SIL1: variants seen among roughly 807,000 people sequenced by gnomAD.
The protein encoded by SIL1 is nucleotide exchange factor SIL1.
In SIL1, 40 loss-of-function variants were observed where a neutral mutation model predicts 49.1. That is an observed-to-expected ratio of 0.81 (90% CI 0.63 to 1.06). The LOEUF is 1.06. Among genes scored for constraint, SIL1 ranks in the 50% least tolerant of loss-of-function variants. SIL1 has a pLI of 0.00. For missense variants in SIL1, 500 were observed against 572.6 expected (o/e 0.87, Z 1.29); for synonymous variants, 253 against 250.8 (o/e 1.01, Z -0.08).
At chr5:139,087,174 C>G (rs1770241939) in intron 3 of SIL1, among the ~76,000 whole-genome samples, 1 of 151,976 alleles carries the variant, frequency 6.6e-6, no homozygotes, top group Admixed American at 6.6e-5. Flanking sequence ...CTCCACTCTT[C>G]AGGCCAACAA....
chr5:139,055,884 G>C (rs1172072108), intron 3 of SIL1, among the ~76,000 whole-genome samples: 1 of 151,982 alleles, frequency 6.6e-6, no homozygotes, highest in African/African-American at 2.4e-5. Flanking sequence ...TGTTGGCCGG[G>C]CCAGTCTCCA....
At chr5:139,061,265 C>G (rs1372923187) in intron 3 of SIL1, among the ~76,000 whole-genome samples, 3 of 152,180 alleles carry the variant, frequency 2.0e-5, no homozygotes, top group Non-Finnish European at 4.4e-5. Context: ...AGCCTGGCTG[C>G]CCTGCTTCAA....
chr5:138,947,590 C>A lies in SIL1; in HGVS notation c.1030-117G>T. On this transcript the variant is annotated intron_variant, in intron 9 of 9. Coordinates refer to ENST00000394817, the MANE Select transcript of SIL1 (RefSeq NM_022464.5). The surrounding 1 kb of genome is among the most constrained non-coding windows in gnomAD (Gnocchi z 4.1). Reference sequence around the variant, plus strand: ...TTCAGACAGGAAGGCACGAGGCTGACCCCTGAGGGCCCACCTCTTCCTCTA... The same window carrying A: ...TTCAGACAGGAAGGCACGAGGCTGAACCCTGAGGGCCCACCTCTTCCTCTA... 1.2e-6 allele frequency: 1 copy of A among 802,180 alleles called. No homozygotes were observed. 49.7% of individuals were successfully genotyped at this position (802,180 alleles called of 1,614,324 possible).
intron 7 of SIL1, among the ~76,000 whole-genome samples, chr5:138,973,553 C>G (rs1341416848): frequency 6.6e-6 from 1 of 152,110 alleles, no homozygotes; most frequent in Non-Finnish European, 1.5e-5. Flanking sequence ...CCCTGAGCTC[C>G]CAGGCTCAAC....
At chr5:139,129,316 AC>A (rs999130214) in intron 1 of SIL1, among the ~76,000 whole-genome samples, 18 of 152,240 alleles carry the variant, frequency 1.2e-4, no homozygotes, top group African/African-American at 4.3e-4. Context: ...TGACAATGGT[AC>A]CAAGACCATT....
At chr5:139,187,248 G>A (rs1342721651) in intron 1 of SIL1, among the ~76,000 whole-genome samples, 1 of 152,210 alleles carries the variant, frequency 6.6e-6, no homozygotes, top group Non-Finnish European at 1.5e-5. Flanking sequence ...GCTGGGTGCA[G>A]TGGCTCACGT....
chr5:139,022,130 GTACCCGC>G (rs1306153288), intron 6 of SIL1: 1 of 152,268 alleles, frequency 6.6e-6, no homozygotes, highest in East Asian at 1.9e-4. Flanking sequence ...TTTTCTACAT[GTACCCGC>G]TACAGTCTCC....
At chr5:139,063,199 G>A (rs1431870383) in intron 3 of SIL1, among the ~76,000 whole-genome samples, 1 of 152,178 alleles carries the variant, frequency 6.6e-6, no homozygotes, top group East Asian at 1.9e-4. Context: ...ATAGTATTTT[G>A]ACCAGAAAAA....
intron 3 of SIL1, among the ~76,000 whole-genome samples, chr5:139,056,644 T>TG (rs1264395274): frequency 1.3e-4 from 16 of 123,812 alleles, no homozygotes; most frequent in East Asian, 2.4e-4. Context: ...AGGAGGGAGG[T>TG]GGGGGGGTCA....
chr5:139,042,571 A>C (rs768960418), intron 5 of SIL1, 49 bp downstream of exon 5: 2 of 1,495,062 alleles, frequency 1.3e-6, no homozygotes. Context: ...CTGCAAAGAC[A>C]ACAAGGCCAT....
intron 5 of SIL1, among the ~76,000 whole-genome samples, chr5:139,034,780 A>T (rs1400201116): frequency 1.3e-5 from 2 of 152,228 alleles, no homozygotes; most frequent in Admixed American, 6.5e-5. Flanking sequence ...TTAGGTATAT[A>T]CCCAGTAATG....
At chr5:138,974,207 A>G (rs1205160429) in intron 7 of SIL1, among the ~76,000 whole-genome samples, 1 of 152,144 alleles carries the variant, frequency 6.6e-6, no homozygotes, top group Non-Finnish European at 1.5e-5. Flanking sequence ...GTCTCTCTCT[A>G]CAGGCCAGGG....
chr5:139,140,542 G>A (rs1196309016), intron 1 of SIL1, among the ~76,000 whole-genome samples: 1 of 152,154 alleles, frequency 6.6e-6, no homozygotes, highest in East Asian at 1.9e-4. Context: ...TTAAAAACTT[G>A]AAAGGGAGAT....
In SIL1 at chr5:138,947,679, G is replaced by T. The variant is rs953872729; in HGVS notation, c.1030-206C>A. 2.6e-5 allele frequency among the ~76,000 whole-genome samples: 4 copies of T among 152,206 alleles called. No individual in the cohort carries two copies. The highest frequency in any genetic ancestry group is 2.9e-5 in the Non-Finnish European group (2 of 68,032). On this transcript the variant is annotated intron_variant, in intron 9 of 9. Coordinates refer to ENST00000394817, the MANE Select transcript of SIL1 (RefSeq NM_022464.5). The surrounding 1 kb of genome is among the most constrained non-coding windows in gnomAD (Gnocchi z 4.1). ...AACAGAAACACTTGTGTGGTGCCAG[G>T]TGCTGAAGAAACCACGATGGAGACA...
chr5:139,099,843 G>T (rs1770548580), intron 3 of SIL1, among the ~76,000 whole-genome samples: 1 of 152,092 alleles, frequency 6.6e-6, no homozygotes, highest in South Asian at 2.1e-4. Context: ...AAAATAGAAA[G>T]AATAAGTAAG....
At chr5:139,196,006 G>A (rs1245757462) in intron 1 of SIL1, among the ~76,000 whole-genome samples, 1 of 152,230 alleles carries the variant, frequency 6.6e-6, no homozygotes, top group South Asian at 2.1e-4. Context: ...GCAACACAGC[G>A]AGACCCTGTC....
At chr5:139,132,040 T>C (rs960698824) in intron 1 of SIL1, among the ~76,000 whole-genome samples, 8 of 152,138 alleles carry the variant, frequency 5.3e-5, no homozygotes, top group African/African-American at 1.9e-4. Context: ...GAGATACTCA[T>C]GTGTATACAC....
intron 1 of SIL1, among the ~76,000 whole-genome samples, chr5:139,158,066 A>C (rs903280476): frequency 3.9e-5 from 6 of 152,210 alleles, no homozygotes; most frequent in African/African-American, 4.8e-5. Flanking sequence ...GGTTCACAAC[A>C]ATCCTTCGTC....
chr5:139,171,590 G>A (rs1476047298), intron 1 of SIL1, among the ~76,000 whole-genome samples: 1 of 151,680 alleles, frequency 6.6e-6, no homozygotes, highest in African/African-American at 2.4e-5. Flanking sequence ...CTCTGCCTAG[G>A]AAAACCAGAG....
Sources: gnomAD v4.1 joint callset for allele counts (sites outside exome capture counted in the v4.1 genomes callset) on GRCh38, gnomAD v4.1.1 for gene constraint, Gnocchi (gnomAD v3.1) non-coding constraint, MANE v1.5 for transcripts, NCBI Gene and HGNC (gene_info 2026-07-23, HGNC 2026-07-21) for gene names.